Variants in CNTN5 observed in about 807,000 individuals in gnomAD.
CNTN5 encodes the protein contactin-5.
Under a neutral mutation model 129.1 loss-of-function variants are expected in CNTN5, and 77 were observed. The observed-to-expected ratio is 0.60, with a 90% CI of 0.50 to 0.72. CNTN5 has a LOEUF of 0.72. Among genes scored for constraint, CNTN5 ranks in the 30% least tolerant of loss-of-function variants. The probability of loss-of-function intolerance (pLI) is 0.00; values close to 1 mark genes in which losing one functional copy is unlikely to be tolerated. For missense variants in CNTN5, 1,478 were observed against 1,328.8 expected (o/e 1.11, Z -1.75); for synonymous variants, 509 against 465.6 (o/e 1.09, Z -1.20).
At chr11:99,190,733 GTTTTATATC>G (rs568573692) in intron 1 of CNTN5, among the ~76,000 whole-genome samples, 1 of 151,294 alleles carries the variant, frequency 6.6e-6, no homozygotes, top group African/African-American at 2.4e-5. Flanking sequence ...TTATATTTTC[GTTTTATATC>G]CTGCAACTTT....
intron 2 of CNTN5, among the ~76,000 whole-genome samples, chr11:99,497,613 G>A (rs1591165848): frequency 6.6e-6 from 1 of 152,240 alleles, no homozygotes; most frequent in Non-Finnish European, 1.5e-5. Context: ...TTCAAAAAGA[G>A]TTGAATGACA....
intron 1 of CNTN5, among the ~76,000 whole-genome samples, chr11:99,282,690 C>A (rs954294439): frequency 6.6e-6 from 1 of 152,084 alleles, no homozygotes; most frequent in Non-Finnish European, 1.5e-5. Context: ...AAAGTTACCA[C>A]TGACTGTTGT....
At position 99,819,556 on chromosome 11, in the gene CNTN5, C is replaced by A; in HGVS notation, c.68C>A (p.Ser23Tyr). Reference protein sequence around the residue: ...VTMCLSEYSKSLPGLSTSYAA... With the variant: ...VTMCLSEYSKYLPGLSTSYAA... Reference sequence around the variant, plus strand: ...TTTTCTCTTACAGAGTATTCAAAATCTCTTCCTGGTCTCTCCACTTCATAT... The same window carrying A: ...TTTTCTCTTACAGAGTATTCAAAATATCTTCCTGGTCTCTCCACTTCATAT... Residue 23 changes from serine to tyrosine, a missense_variant, in exon 4 of 25, where the codon TCT becomes TAT. Ser to Tyr is a moderately radical substitution (Grantham distance 144). Transcript: ENST00000524871. The A allele has an allele frequency of 6.2e-7, 1 of 1,611,112 alleles. No homozygotes were observed. The highest frequency in any genetic ancestry group is 8.5e-7 in the Non-Finnish European group (1 of 1,178,538).
At chr11:99,673,362 A>G (rs771807944) in intron 3 of CNTN5, among the ~76,000 whole-genome samples, 1 of 152,210 alleles carries the variant, frequency 6.6e-6, no homozygotes, top group Non-Finnish European at 1.5e-5. Flanking sequence ...TAAAGATAAT[A>G]AGAATGATTA....
chr11:99,666,945 T>G (rs982064161), intron 3 of CNTN5, among the ~76,000 whole-genome samples: 1 of 152,126 alleles, frequency 6.6e-6, no homozygotes, highest in Non-Finnish European at 1.5e-5. Context: ...GGTTTTTAAT[T>G]GATATGTTTA....
chr11:99,463,404 C>A (rs1264444922), intron 2 of CNTN5, among the ~76,000 whole-genome samples: 1 of 141,944 alleles, frequency 7.0e-6, no homozygotes, highest in Non-Finnish European at 1.5e-5. Context: ...CGCCACTGCA[C>A]TCCAACCTGG....
chr11:99,750,466 T>G (rs1292931111), intron 3 of CNTN5, among the ~76,000 whole-genome samples: 1 of 151,996 alleles, frequency 6.6e-6, no homozygotes, highest in Non-Finnish European at 1.5e-5. Context: ...TTTTATGAAT[T>G]CCAGGAATAA....
chr11:99,888,927 T>G (rs1036088281), intron 6 of CNTN5, among the ~76,000 whole-genome samples: 13 of 152,208 alleles, frequency 8.5e-5, no homozygotes, highest in African/African-American at 2.4e-4. Context: ...CTCACAGTTT[T>G]GAGTTGTCAA....
At chr11:99,629,568 G>A (rs1034513371) in intron 3 of CNTN5, among the ~76,000 whole-genome samples, 4 of 151,342 alleles carry the variant, frequency 2.6e-5, no homozygotes, top group African/African-American at 7.3e-5. Context: ...AATGATCAGG[G>A]GTACAGGATT....
chr11:99,991,536 A>G (rs1167773844), intron 8 of CNTN5, among the ~76,000 whole-genome samples: 1 of 152,158 alleles, frequency 6.6e-6, no homozygotes, highest in African/African-American at 2.4e-5. Context: ...GAGAAACCCA[A>G]CTTGAAATAA....
At chr11:99,928,742 G>T (rs542632367) in intron 7 of CNTN5, among the ~76,000 whole-genome samples, 3 of 152,110 alleles carry the variant, frequency 2.0e-5, no homozygotes, top group South Asian at 2.1e-4. Flanking sequence ...CTTCTCACAC[G>T]CTCTGGAGAC....
chr11:99,749,111 C>CCATT (rs1448988076), intron 3 of CNTN5, among the ~76,000 whole-genome samples: 2 of 152,110 alleles, frequency 1.3e-5, no homozygotes, highest in Non-Finnish European at 2.9e-5. Flanking sequence ...TACAGATTAT[C>CCATT]CACATGGGTG....
chr11:100,197,554 A>G (rs144986988), intron 15 of CNTN5, among the ~76,000 whole-genome samples: 13 of 152,088 alleles, frequency 8.5e-5, no homozygotes, highest in East Asian at 1.9e-4. Flanking sequence ...TCAGAGGTCT[A>G]CAAGAACCTC....
intron 3 of CNTN5, among the ~76,000 whole-genome samples, chr11:99,689,449 C>T (rs632011): frequency 6.9e-6 from 1 of 145,778 alleles, no homozygotes; most frequent in African/African-American, 2.5e-5. Flanking sequence ...ATAGCGTGAA[C>T]CCGGGAGGTG....
chr11:99,397,473 T>C (rs1368854709), intron 2 of CNTN5, among the ~76,000 whole-genome samples: 1 of 151,840 alleles, frequency 6.6e-6, no homozygotes, highest in Non-Finnish European at 1.5e-5. Flanking sequence ...ATAAATTATT[T>C]GGAATTCTTT....
intron 13 of CNTN5, among the ~76,000 whole-genome samples, chr11:100,127,095 A>ATTTTTTT (rs5794039): frequency 1.6e-4 from 14 of 85,608 alleles, no homozygotes; most frequent in African/African-American, 6.4e-4. Context: ...TGCGCAGCTA[A>ATTTTTTT]TTTTTTTTTT....
intron 13 of CNTN5, among the ~76,000 whole-genome samples, chr11:100,150,983 G>A (rs1213360377): frequency 1.3e-5 from 2 of 151,952 alleles, no homozygotes; most frequent in African/African-American, 2.4e-5. Context: ...TTGAGGACAC[G>A]GTAAAAAAGT....
At chr11:99,511,149 G>T (rs1016144916) in intron 2 of CNTN5, among the ~76,000 whole-genome samples, 5 of 151,906 alleles carry the variant, frequency 3.3e-5, no homozygotes, top group African/African-American at 1.2e-4. Context: ...TGTCAATTTT[G>T]GATCTTTCCT....
intron 17 of CNTN5, 41 bp downstream of exon 17, chr11:100,255,959 C>A (rs1405935577): frequency 1.9e-6 from 3 of 1,573,176 alleles, no homozygotes; most frequent in Admixed American, 1.7e-5. Context: ...ACCAGAGTGG[C>A]CTTCTATCTC....
Sources: gnomAD v4.1 joint callset for allele counts (sites outside exome capture counted in the v4.1 genomes callset) on GRCh38, gnomAD v4.1.1 for gene constraint, MANE v1.5 for transcripts, NCBI Gene and HGNC (gene_info 2026-07-23, HGNC 2026-07-21) for gene names.